SLC2A13: variants seen among roughly 807,000 people sequenced by gnomAD.
The protein encoded by SLC2A13 is proton myo-inositol cotransporter.
SLC2A13 carries 32 observed loss-of-function variants against 64.4 expected under a neutral mutation model. The ratio of observed to expected loss-of-function variants is 0.50; its 90% CI spans 0.37 to 0.67. SLC2A13 has a LOEUF of 0.67. Among genes scored for constraint, SLC2A13 ranks in the 30% least tolerant of loss-of-function variants. The pLI is 0.00. For missense variants in SLC2A13, 743 were observed against 829.2 expected (o/e 0.90, Z 1.28); for synonymous variants, 338 against 327.1 (o/e 1.03, Z -0.36).
At chr12:39,907,601 T>G (rs1945321571) in intron 4 of SLC2A13, 1 of 152,170 alleles carries the variant, frequency 6.6e-6, no homozygotes, top group Admixed American at 6.6e-5. Context: ...GATCTAATTT[T>G]GAGTGTTAAG....
At chr12:39,936,326 T>C (rs1248037448) in intron 4 of SLC2A13, among the ~76,000 whole-genome samples, 1 of 152,086 alleles carries the variant, frequency 6.6e-6, no homozygotes, top group Non-Finnish European at 1.5e-5. Context: ...TAGAAGTACC[T>C]CCAAAGTTAT....
At chr12:39,783,830 C>T (rs1311998802) in intron 7 of SLC2A13, among the ~76,000 whole-genome samples, 2 of 152,130 alleles carry the variant, frequency 1.3e-5, no homozygotes, top group Non-Finnish European at 2.9e-5. Flanking sequence ...AAAACCCCAT[C>T]GTCGCAGCCT....
In SLC2A13 at chr12:40,105,836, G is replaced by A; in HGVS notation, c.-28C>T. On this transcript the variant is annotated 5_prime_UTR_variant, in exon 1 of 10. Transcript: ENST00000280871. The surrounding 1 kb of genome is among the most constrained non-coding windows in gnomAD (Gnocchi z 4.2). ...GGCAGGGGCCCGGGGCTGCCCGGGG[G>A]GACGCGGCTCCGCGGGCCGGCAGTC... is the stretch of plus-strand genomic sequence containing the variant. 1 of 1,388,148 alleles carries A rather than the reference G, an allele frequency of 7.2e-7. No homozygotes were observed. The highest frequency in any genetic ancestry group is 9.3e-7 in the Non-Finnish European group (1 of 1,072,160). The allele number at this position is 1,388,148 out of a possible 1,614,324, so 86.0% of individuals were successfully genotyped here. A position where few individuals can be genotyped will look rare whatever the true frequency, so the allele number is the denominator to read the frequency against.
intron 1 of SLC2A13, among the ~76,000 whole-genome samples, chr12:40,091,135 T>A (rs1938752516): frequency 6.6e-6 from 1 of 152,172 alleles, no homozygotes; most frequent in Non-Finnish European, 1.5e-5. Context: ...TATTTTTGTA[T>A]AAACATGGCT....
intron 1 of SLC2A13, among the ~76,000 whole-genome samples, chr12:40,098,019 G>A (rs1939010420): frequency 6.6e-6 from 1 of 150,502 alleles, no homozygotes; most frequent in Non-Finnish European, 1.5e-5. Context: ...CCCTATATAT[G>A]TGTATATGTA....
intron 7 of SLC2A13, among the ~76,000 whole-genome samples, chr12:39,801,308 T>A: frequency 2.2e-5 from 3 of 135,574 alleles, no homozygotes; most frequent in East Asian, 2.1e-4. Context: ...TTTCACTTGA[T>A]AAATATTTTT....
intron 4 of SLC2A13, among the ~76,000 whole-genome samples, chr12:39,930,583 G>T (rs1467177136): frequency 1.3e-5 from 2 of 152,032 alleles, no homozygotes; most frequent in Non-Finnish European, 2.9e-5. Flanking sequence ...AATACTGAAA[G>T]AAAAATCTAA....
At chr12:40,073,768 G>T (rs563976180) in intron 1 of SLC2A13, among the ~76,000 whole-genome samples, 76 of 151,604 alleles carry the variant, frequency 5.0e-4, no homozygotes, top group Admixed American at 3.4e-3. Context: ...CTATTATATA[G>T]ATAATATATA....
Position 40,041,613 on chromosome 12 carries a change from A to G in SLC2A13, c.716+6438T>C, listed in dbSNP as rs146605121. Among the ~76,000 whole-genome samples, 443 of 152,336 alleles carry G rather than the reference A, an allele frequency of 2.9e-3. 5 individuals carry two copies. The highest frequency in any genetic ancestry group is 0.01 in the African/African-American group (416 of 41,582). ...TCTTATCCATCTTTCCATCTCTAGT[A>G]TTAAATACAAGACTAGTATGCAGAA... is the stretch of plus-strand genomic sequence containing the variant. On this transcript the variant is annotated intron_variant, in intron 2 of 9. Transcript: ENST00000280871.
chr12:39,765,215 T>C (rs867352201), intron 7 of SLC2A13, among the ~76,000 whole-genome samples: 3 of 152,026 alleles, frequency 2.0e-5, no homozygotes, highest in African/African-American at 7.2e-5. Context: ...AGATTCAAAT[T>C]TCAGAGCCAG....
chr12:40,032,269 G>A (rs778067474), intron 2 of SLC2A13, among the ~76,000 whole-genome samples: 7 of 152,192 alleles, frequency 4.6e-5, no homozygotes, highest in Non-Finnish European at 8.8e-5. Flanking sequence ...TACGGCAAAA[G>A]CCATTTACCT....
chr12:39,848,343 C>A (rs990083732), intron 6 of SLC2A13, among the ~76,000 whole-genome samples: 1 of 151,924 alleles, frequency 6.6e-6, no homozygotes, highest in Non-Finnish European at 1.5e-5. Context: ...GAAAAACAAC[C>A]CCATTAAAAA....
chr12:39,890,452 C>T (rs1235893132), intron 4 of SLC2A13, among the ~76,000 whole-genome samples: 3 of 152,134 alleles, frequency 2.0e-5, no homozygotes, highest in African/African-American at 7.2e-5. Flanking sequence ...AAATGTTGCT[C>T]ATCAATTGAC....
intron 7 of SLC2A13, among the ~76,000 whole-genome samples, chr12:39,806,419 C>T (rs1324488667): frequency 6.6e-6 from 1 of 152,178 alleles, no homozygotes; most frequent in African/African-American, 2.4e-5. Context: ...GTCCCCTGAA[C>T]AAGGCACTTT....
chr12:39,850,181 T>C (rs1449372655), intron 6 of SLC2A13, among the ~76,000 whole-genome samples: 1 of 152,160 alleles, frequency 6.6e-6, no homozygotes, highest in African/African-American at 2.4e-5. Context: ...GATTTGTCCA[T>C]AAGTAGCTAC....
intron 4 of SLC2A13, among the ~76,000 whole-genome samples, chr12:39,928,450 A>C (rs1945765422): frequency 6.6e-6 from 1 of 152,200 alleles, no homozygotes. Flanking sequence ...CATGAGGAAT[A>C]AAGAAAATAG....
chr12:40,003,673 C>T (rs1390366072), intron 3 of SLC2A13, among the ~76,000 whole-genome samples: 2 of 151,210 alleles, frequency 1.3e-5, no homozygotes, highest in Admixed American at 6.6e-5. Context: ...GAGGTATCAT[C>T]GTGGGTTTTT....
At chr12:40,006,753 T>C (rs1406859947) in intron 3 of SLC2A13, among the ~76,000 whole-genome samples, 1 of 152,230 alleles carries the variant, frequency 6.6e-6, no homozygotes, top group Non-Finnish European at 1.5e-5. Context: ...ATCCCACCTG[T>C]TCACTCAAGT....
At chr12:39,765,873 T>C (rs1435599583) in intron 7 of SLC2A13, among the ~76,000 whole-genome samples, 1 of 152,056 alleles carries the variant, frequency 6.6e-6, no homozygotes, top group Non-Finnish European at 1.5e-5. Context: ...ATCCTGATGC[T>C]CTCCCTCCTC....
Sources: allele counts gnomAD v4.1 joint callset (sites outside exome capture counted in the v4.1 genomes callset), GRCh38; gene constraint gnomAD v4.1.1; non-coding constraint Gnocchi (gnomAD v3.1); transcripts MANE v1.5; gene names NCBI Gene and HGNC (gene_info 2026-07-23, HGNC 2026-07-21).